Variants in TBC1D4 observed in about 807,000 individuals in gnomAD.
TBC1D4 encodes the protein TBC (Tre-2, BUB2, CDC16) domain-containing protein.
Under a neutral mutation model 142.5 loss-of-function variants are expected in TBC1D4, and 121 were observed. The ratio of observed to expected loss-of-function variants is 0.85; its 90% CI spans 0.73 to 0.99. The LOEUF is 0.99. Ranked by LOEUF, TBC1D4 falls within the 50% of genes least tolerant of loss-of-function variation. The pLI, the probability that TBC1D4 is intolerant of heterozygous loss-of-function variation, is 0.00. For missense variants in TBC1D4, 1,475 were observed against 1,606.6 expected, an observed-to-expected ratio of 0.92 and a Z score of 1.40; for synonymous variants, 630 against 628.2, an observed-to-expected ratio of 1.00 and a Z score of -0.04.
chr13:75,361,430 G>A (rs1022217851), intron 2 of TBC1D4, among the ~76,000 whole-genome samples: 35 of 152,018 alleles, frequency 2.3e-4, no homozygotes, highest in African/African-American at 8.2e-4. Context: ...GCCCAGGCTC[G>A]AGTGCAGGGG....
At chr13:75,321,971 A>C (rs1878818107) in intron 11 of TBC1D4, among the ~76,000 whole-genome samples, 1 of 152,240 alleles carries the variant, frequency 6.6e-6, no homozygotes, top group African/African-American at 2.4e-5. Flanking sequence ...TACAAAGTTC[A>C]AAGCCAAGCA....
chr13:75,302,304 T>C lies in TBC1D4; in HGVS notation c.2850A>G (p.Ile950Met). The C allele has an allele frequency of 6.2e-7, 1 of 1,614,212 alleles. No individual in the cohort carries two copies. Among genetic ancestry groups the C allele is most frequent in the African/African-American group, 1.3e-5 (1 of 75,052 alleles). Residue 950 changes from isoleucine (I) to methionine (M), a missense_variant, in exon 16 of 21, where the codon ATA becomes ATG. Coordinates refer to ENST00000377636, the MANE Select transcript of TBC1D4 (RefSeq NM_014832.5). ...RLPNKQQPPD[I>M]SYKELLKQLT... ...GCTGCTTCAAAAGTTCCTTATAGGA[T>C]ATGTCAGGAGGCTGTTGTTTATTAG... is the stretch of plus-strand genomic sequence containing the variant.
At chr13:75,329,026 A>G (rs1274834553) in intron 8 of TBC1D4, among the ~76,000 whole-genome samples, 1 of 152,076 alleles carries the variant, frequency 6.6e-6, no homozygotes, top group East Asian at 1.9e-4. Flanking sequence ...TAAGCTTTCC[A>G]TTTTAGGAAG....
chr13:75,416,999 T>C (rs1215525006), intron 1 of TBC1D4, among the ~76,000 whole-genome samples: 1 of 152,192 alleles, frequency 6.6e-6, no homozygotes, highest in Non-Finnish European at 1.5e-5. Flanking sequence ...CTTGCTCTGC[T>C]CATAGGTGGA....
chr13:75,355,123 C>A (rs575628301), intron 4 of TBC1D4, among the ~76,000 whole-genome samples: 1 of 152,206 alleles, frequency 6.6e-6, no homozygotes, highest in East Asian at 1.9e-4. Flanking sequence ...TCAGTGTCCA[C>A]ACTGGGAATG....
At chr13:75,410,039 A>T (rs2138392014) in intron 1 of TBC1D4, among the ~76,000 whole-genome samples, 1 of 152,304 alleles carries the variant, frequency 6.6e-6, no homozygotes, top group Admixed American at 6.5e-5. Flanking sequence ...ACTTACCTTA[A>T]AACTCAGTTG....
chr13:75,324,164 A>C (rs545415466), intron 11 of TBC1D4, 73 bp downstream of exon 11: 1 of 1,569,460 alleles, frequency 6.4e-7, no homozygotes, highest in South Asian at 1.1e-5. Context: ...AAATTAATCA[A>C]CCACTTTTTA....
chr13:75,366,827 T>C (rs1443129161), intron 1 of TBC1D4: 2 of 553,156 alleles, frequency 3.6e-6, no homozygotes, highest in African/African-American at 2.0e-5. Context: ...ATAAAACAAA[T>C]TCTACAACTA....
At chr13:75,302,735 G>A (rs1224563734) in intron 15 of TBC1D4, 1 of 360,334 alleles carries the variant, frequency 2.8e-6, no homozygotes, top group African/African-American at 2.1e-5. Flanking sequence ...TATAAGGTAG[G>A]CAATTACTAT....
At chr13:75,425,148 T>TAA (rs145867080) in intron 1 of TBC1D4, among the ~76,000 whole-genome samples, 8 of 150,866 alleles carry the variant, frequency 5.3e-5, no homozygotes, top group Middle Eastern at 3.4e-3. Flanking sequence ...TTCAATAGTT[T>TAA]AAAAAAAAAC....
rs1242494261 is a variant in TBC1D4, at chr13:75,480,715, C to A, written c.498+555G>T. ...GATGTCTAGTAACTTTTCCCTAAGC[C>A]CCGCTCGGAAATTGCCTCCCAGACC... On this transcript the variant is annotated intron_variant, in intron 1 of 20. Coordinates refer to ENST00000377636, the MANE Select transcript of TBC1D4 (RefSeq NM_014832.5). Among the ~76,000 whole-genome samples the A allele has an allele frequency of 2.0e-5, 3 of 152,208 alleles. No homozygotes were observed. In the East Asian group the frequency reaches 5.8e-4, roughly 29 times the overall value.
chr13:75,376,199 AAAC>A (rs1883495059), intron 1 of TBC1D4: 1 of 152,232 alleles, frequency 6.6e-6, no homozygotes, highest in African/African-American at 2.4e-5. Flanking sequence ...AATTGAAAAA[AAAC>A]AAACAAAAAA....
chr13:75,335,236 T>C (rs1170680674), intron 8 of TBC1D4, among the ~76,000 whole-genome samples: 1 of 152,118 alleles, frequency 6.6e-6, no homozygotes, highest in African/African-American at 2.4e-5. Flanking sequence ...TCCCACACCC[T>C]GCATCGGGCC....
At chr13:75,358,265 C>A (rs1055825232) in intron 3 of TBC1D4, among the ~76,000 whole-genome samples, 1 of 152,196 alleles carries the variant, frequency 6.6e-6, no homozygotes, top group South Asian at 2.1e-4. Context: ...CAGAATGACA[C>A]CACAGCCTTA....
At chr13:75,298,729 G>A (rs1338605585) in intron 17 of TBC1D4, among the ~76,000 whole-genome samples, 1 of 151,862 alleles carries the variant, frequency 6.6e-6, no homozygotes, top group East Asian at 1.9e-4. Flanking sequence ...CTCCAGCCTG[G>A]GCAACAAAGC....
At chr13:75,368,231 C>T (rs1883031324) in intron 1 of TBC1D4, among the ~76,000 whole-genome samples, 1 of 152,194 alleles carries the variant, frequency 6.6e-6, no homozygotes, top group Non-Finnish European at 1.5e-5. Flanking sequence ...TAAGGAATCA[C>T]CGGTCCCCAC....
intron 5 of TBC1D4, among the ~76,000 whole-genome samples, chr13:75,344,173 G>C (rs577138840): frequency 1.2e-4 from 18 of 152,108 alleles, no homozygotes; most frequent in Non-Finnish European, 2.2e-4. Context: ...TTATTTGCTG[G>C]GAAAGTCTCC....
At chr13:75,335,896 A>C (rs953193223) in intron 8 of TBC1D4, among the ~76,000 whole-genome samples, 1 of 152,238 alleles carries the variant, frequency 6.6e-6, no homozygotes, top group Non-Finnish European at 1.5e-5. Flanking sequence ...CTTTATAGCA[A>C]TGCGAAAATG....
intron 1 of TBC1D4, among the ~76,000 whole-genome samples, chr13:75,425,148 T>TA (rs145867080): frequency 0.047 from 7,146 of 150,830 alleles, 462 homozygotes; most frequent in African/African-American, 0.15. Flanking sequence ...TTCAATAGTT[T>TA]AAAAAAAAAC....
Sources: gnomAD v4.1 joint callset for allele counts (sites outside exome capture counted in the v4.1 genomes callset) on GRCh38, gnomAD v4.1.1 for gene constraint, MANE v1.5 for transcripts, NCBI Gene and HGNC (gene_info 2026-07-23, HGNC 2026-07-21) for gene names.